Variants in FUT9 observed in about 807,000 individuals in gnomAD.
FUT9 encodes the protein fucosyltransferase 9.
In FUT9, 15 loss-of-function variants were observed where a neutral mutation model predicts 29.7. The observed-to-expected ratio is 0.51, with a 90% CI of 0.34 to 0.78. The LOEUF is 0.78. Ranked by LOEUF, FUT9 falls within the 30% of genes least tolerant of loss-of-function variation. The pLI is 0.01. For missense variants in FUT9, 319 were observed against 425.4 expected (o/e 0.75, Z 2.20); for synonymous variants, 169 against 153.7 (o/e 1.10, Z -0.74).
intron 1 of FUT9, among the ~76,000 whole-genome samples, chr6:96,070,646 C>A (rs1366663868): frequency 6.6e-6 from 1 of 152,032 alleles, no homozygotes; most frequent in Non-Finnish European, 1.5e-5. Flanking sequence ...GAGATTGTGC[C>A]ACTGCACTCC....
chr6:96,075,256 A>G (rs1251479061), intron 1 of FUT9, among the ~76,000 whole-genome samples: 4 of 152,190 alleles, frequency 2.6e-5, no homozygotes, highest in Non-Finnish European at 5.9e-5. Flanking sequence ...GTTTGAAACT[A>G]ATAATAGTGA....
chr6:96,060,506 T>G (rs1307607314), intron 1 of FUT9, among the ~76,000 whole-genome samples: 1 of 152,108 alleles, frequency 6.6e-6, no homozygotes, highest in Non-Finnish European at 1.5e-5. Flanking sequence ...AAAGTTTATC[T>G]GTAACATTAA....
intron 2 of FUT9, among the ~76,000 whole-genome samples, chr6:96,117,282 C>T (rs1296194383): frequency 6.6e-6 from 1 of 152,142 alleles, no homozygotes; most frequent in East Asian, 1.9e-4. Flanking sequence ...ATAGGTTTCA[C>T]ATTGCTAGAG....
At chr6:96,140,768 C>A (rs1772447599) in intron 2 of FUT9, among the ~76,000 whole-genome samples, 1 of 152,164 alleles carries the variant, frequency 6.6e-6, no homozygotes, top group Admixed American at 6.5e-5. Flanking sequence ...GATTCAATTA[C>A]CTCAGTTACC....
chr6:96,131,221 A>G lies in FUT9; in HGVS notation c.-9+17094A>G, dbSNP rs142908219. Reference sequence around the variant, plus strand: ...AATAAATGTTATGGTAACTACCTGCATGAAGAAAAGTGAAAAAAAATAGAA... The same window carrying G: ...AATAAATGTTATGGTAACTACCTGCGTGAAGAAAAGTGAAAAAAAATAGAA... On this transcript the variant is annotated intron_variant, in intron 2 of 2. Transcript: ENST00000302103. 2.9e-3 allele frequency among the ~76,000 whole-genome samples: 449 copies of G among 152,282 alleles called. 1 individual carries two copies. The highest frequency in any genetic ancestry group is 9.7e-3 in the African/African-American group (404 of 41,566).
intron 1 of FUT9, among the ~76,000 whole-genome samples, chr6:96,072,389 A>G (rs1429486432): frequency 2.6e-5 from 4 of 152,168 alleles, no homozygotes; most frequent in African/African-American, 9.7e-5. Context: ...TCTTTCTCCT[A>G]TTATTCTCTG....
At chr6:96,047,265 A>G (rs965110581) in intron 1 of FUT9, among the ~76,000 whole-genome samples, 1 of 152,216 alleles carries the variant, frequency 6.6e-6, no homozygotes, top group Non-Finnish European at 1.5e-5. Context: ...TTTTATAAGT[A>G]TGTGTGACCC....
At chr6:96,182,931 T>A (rs1309991141) in intron 2 of FUT9, among the ~76,000 whole-genome samples, 1 of 152,108 alleles carries the variant, frequency 6.6e-6, no homozygotes, top group Non-Finnish European at 1.5e-5. Flanking sequence ...AGACTCTTTT[T>A]TGGATTCATA....
intron 2 of FUT9, among the ~76,000 whole-genome samples, chr6:96,132,315 G>T (rs1234761904): frequency 1.9e-5 from 2 of 105,966 alleles, no homozygotes; most frequent in African/African-American, 3.5e-5. Context: ...ATATGTGTCT[G>T]CTGTTCCATT....
At chr6:96,192,096 A>C (rs1480156897) in intron 2 of FUT9, among the ~76,000 whole-genome samples, 1 of 152,180 alleles carries the variant, frequency 6.6e-6, no homozygotes, top group Non-Finnish European at 1.5e-5. Context: ...AGCCAACATC[A>C]CACTGAATGG....
chr6:96,027,573 C>T (rs1212247230), intron 1 of FUT9, among the ~76,000 whole-genome samples: 1 of 151,424 alleles, frequency 6.6e-6, no homozygotes, highest in Non-Finnish European at 1.5e-5. Context: ...TGTACTTCTC[C>T]CCTTCCTCTT....
intron 1 of FUT9, among the ~76,000 whole-genome samples, chr6:96,066,272 T>C (rs1186533251): frequency 6.6e-6 from 1 of 152,074 alleles, no homozygotes. Context: ...TTTAGTATGG[T>C]TCACATTAAA....
intron 2 of FUT9, among the ~76,000 whole-genome samples, chr6:96,195,450 G>A (rs555712395): frequency 3.9e-5 from 6 of 152,160 alleles, no homozygotes; most frequent in African/African-American, 7.2e-5. Context: ...ATAGCATTCC[G>A]GAGATCAACC....
At chr6:96,140,259 T>C (rs182795816) in intron 2 of FUT9, among the ~76,000 whole-genome samples, 1 of 152,324 alleles carries the variant, frequency 6.6e-6, no homozygotes, top group East Asian at 1.9e-4. Flanking sequence ...ATATCACTAT[T>C]CAGCATTTTG....
At chr6:96,160,910 C>T (rs4576253) in intron 2 of FUT9, among the ~76,000 whole-genome samples, 24,418 of 151,940 alleles carry the variant, frequency 0.16, 2,177 homozygotes, top group African/African-American at 0.19. Context: ...GTATGGGTGA[C>T]GGACAGAAAT....
intron 1 of FUT9, among the ~76,000 whole-genome samples, chr6:96,097,759 A>G (rs1771525260): frequency 6.6e-6 from 1 of 152,150 alleles, no homozygotes; most frequent in Admixed American, 6.6e-5. Flanking sequence ...CCTCCTAAGT[A>G]TAGTAACCCA....
rs934465966 is a variant in FUT9, at chr6:96,206,990, C to T, written c.*2755C>T. On this transcript the variant is annotated 3_prime_UTR_variant, in exon 3 of 3. Coordinates refer to ENST00000302103, the MANE Select transcript of FUT9 (RefSeq NM_006581.4). The stretch of plus-strand genomic sequence containing the variant: ...AGTACTACTAAGTATCTAGCAGGTG[C>T]TTTGAAACCCCATTACTAAGTCCCA... 6.0e-6 allele frequency: 1 copy of T among 166,908 alleles called. No individual in the cohort carries two copies. Among genetic ancestry groups the T allele is most frequent in the Admixed American group, 6.6e-5 (1 of 15,244 alleles). The allele number at this position is 166,908 out of a possible 1,614,324, so 10.3% of individuals were successfully genotyped here. A position where few individuals can be genotyped will look rare whatever the true frequency, so the allele number is the denominator to read the frequency against.
At chr6:96,043,197 G>A (rs1271641304) in intron 1 of FUT9, among the ~76,000 whole-genome samples, 1 of 152,002 alleles carries the variant, frequency 6.6e-6, no homozygotes, top group Non-Finnish European at 1.5e-5. Flanking sequence ...GACTACAGGC[G>A]CCCACCACCA....
intron 2 of FUT9, among the ~76,000 whole-genome samples, chr6:96,116,596 T>G (rs940139903): frequency 6.6e-6 from 1 of 152,210 alleles, no homozygotes; most frequent in Non-Finnish European, 1.5e-5. Flanking sequence ...GGAATACTAT[T>G]CAAATATTTT....
Sources: allele counts gnomAD v4.1 joint callset (sites outside exome capture counted in the v4.1 genomes callset), GRCh38; gene constraint gnomAD v4.1.1; transcripts MANE v1.5; gene names NCBI Gene and HGNC (gene_info 2026-07-23, HGNC 2026-07-21).